The following OPA1 variants were observed in gnomAD, a reference collection of about 807,000 sequenced individuals.
OPA1 encodes the protein dynamin-like GTPase OPA1, mitochondrial.
In OPA1, 59 loss-of-function variants were observed where a neutral mutation model predicts 152.9. The observed-to-expected ratio is 0.39, with a 90% CI of 0.31 to 0.48. OPA1 has a LOEUF of 0.48. Among genes scored for constraint, OPA1 ranks in the 20% least tolerant of loss-of-function variants. The probability of loss-of-function intolerance (pLI) is 0.96; values close to 1 mark genes in which losing one functional copy is unlikely to be tolerated. For missense variants in OPA1, 1,008 were observed against 1,216.8 expected (o/e 0.83, Z 2.55); for synonymous variants, 400 against 389.9 (o/e 1.03, Z -0.31).
intron 2 of OPA1, among the ~76,000 whole-genome samples, chr3:193,615,403 T>G (rs1237328374): frequency 6.6e-6 from 1 of 152,230 alleles, no homozygotes; most frequent in Non-Finnish European, 1.5e-5. Context: ...CAGTCTGTCT[T>G]CCTTCTACCC....
At chr3:193,676,261 GAATA>G (rs1437375716) in intron 29 of OPA1, among the ~76,000 whole-genome samples, 2 of 151,960 alleles carry the variant, frequency 1.3e-5, no homozygotes, top group Non-Finnish European at 2.9e-5. Context: ...CTTCACTACA[GAATA>G]AATAATGTAT....
chr3:193,640,285 A>G (rs898300799), intron 11 of OPA1, among the ~76,000 whole-genome samples: 2 of 152,238 alleles, frequency 1.3e-5, no homozygotes, highest in Non-Finnish European at 2.9e-5. Context: ...TTGAGGGAAG[A>G]GAAAATAACA....
chr3:193,676,839 G>C (rs1353805249), intron 29 of OPA1, among the ~76,000 whole-genome samples: 1 of 152,074 alleles, frequency 6.6e-6, no homozygotes. Context: ...AATTTAGCCA[G>C]GCGTGGTGGC....
rs570743875 is a variant in OPA1 at position 193,614,590 on chromosome 3, T to C, written c.33-133T>C. 10 of 747,074 alleles carry C rather than the reference T, an allele frequency of 1.3e-5. No individual in the cohort carries two copies. The Admixed American group carries it at 1.7e-4, about 13-fold the overall frequency. The allele number at this position is 747,074 out of a possible 1,614,324, so 46.3% of individuals were successfully genotyped here. The stretch of plus-strand genomic sequence containing the variant: ...TGGCACATAGTCAATGGTTAGTAAA[T>C]GTGAACTATTGTGTGACATTGTGGT... On this transcript the variant is annotated intron_variant, in intron 1 of 30. Transcript: ENST00000361510.
rs1171011913 is a variant in OPA1 at position 193,697,317 on chromosome 3, T to C, written c.*2717T>C. 1 of 152,232 alleles carries C rather than the reference T, an allele frequency of 6.6e-6. No homozygotes were observed. Among genetic ancestry groups the C allele is most frequent in the African/African-American group, 2.4e-5 (1 of 41,458 alleles). 9.4% of individuals were successfully genotyped at this position (152,232 alleles called of 1,614,324 possible). On this transcript the variant is annotated 3_prime_UTR_variant, in exon 31 of 31. Coordinates refer to ENST00000361510, the MANE Select transcript of OPA1 (RefSeq NM_130837.3). ...GCTCTAGCAGTATGGAAATGTGCTT[T>C]AAAATATGCTTACCTTTTGAATGAT...
In OPA1 at chr3:193,644,022, C is replaced by A; in HGVS notation, c.1525C>A (p.Gln509Lys). 6.2e-7 allele frequency: 1 copy of A among 1,613,678 alleles called. No homozygotes were observed. Among genetic ancestry groups the A allele is most frequent in the South Asian group, 1.1e-5 (1 of 91,052 alleles). ...CAGTATTGTTACAGACTTGGTCAGT[C>A]AAATGGACCCTCATGGAAGGAGAAC... ...ERSIVTDLVS[Q>K]MDPHGRRTIF... The change falls in exon 16 of 31, where the codon CAA becomes AAA. Residue 509 changes from glutamine (Q) to lysine (K), a missense_variant. By Grantham distance (53) the Gln-to-Lys change is moderately conservative (BLOSUM62 1). Coordinates refer to ENST00000361510, the MANE Select transcript of OPA1 (RefSeq NM_130837.3).
At chr3:193,634,829 G>C (rs532573800) in intron 8 of OPA1, among the ~76,000 whole-genome samples, 8 of 152,254 alleles carry the variant, frequency 5.3e-5, no homozygotes, top group Non-Finnish European at 1.2e-4. Flanking sequence ...AAGTGACCTT[G>C]GTCAGGCTCT....
At chr3:193,643,705 T>C in intron 15 of OPA1, 78 bp downstream of exon 15, 1 of 1,278,178 alleles carries the variant, frequency 7.8e-7, no homozygotes, top group Non-Finnish European at 1.1e-6. Flanking sequence ...AAATAGTTTG[T>C]GTTATGTAAA....
chr3:193,643,763 A>G, intron 15 of OPA1, 136 bp downstream of exon 15: 2 of 921,558 alleles, frequency 2.2e-6, no homozygotes, highest in South Asian at 1.6e-5. Context: ...TCATTTTATT[A>G]GTAAATTAAA....
intron 29 of OPA1, among the ~76,000 whole-genome samples, chr3:193,688,717 C>T (rs1034065262): frequency 2.0e-5 from 3 of 151,952 alleles, no homozygotes; most frequent in Admixed American, 1.3e-4. Flanking sequence ...TAGTAGCTCA[C>T]GCCCTGTAAT....
intron 22 of OPA1, among the ~76,000 whole-genome samples, 186 bp from the exon 23 acceptor site, chr3:193,656,894 A>C (rs1396749352): frequency 6.6e-6 from 1 of 152,210 alleles, no homozygotes. Context: ...ATCTGTCCCC[A>C]GCAACCCGTG....
intron 29 of OPA1, among the ~76,000 whole-genome samples, chr3:193,684,038 A>G (rs944980264): frequency 5.9e-5 from 9 of 152,198 alleles, no homozygotes; most frequent in African/African-American, 2.2e-4. Context: ...CATGGTGGCC[A>G]TCAGACAACA....
intron 8 of OPA1, among the ~76,000 whole-genome samples, chr3:193,633,708 T>C (rs1732470904): frequency 6.6e-6 from 1 of 152,224 alleles, no homozygotes; most frequent in African/African-American, 2.4e-5. Flanking sequence ...GATAGTATCA[T>C]TTCAACATGT....
At chr3:193,686,795 T>C (rs1720993865) in intron 29 of OPA1, among the ~76,000 whole-genome samples, 1 of 152,154 alleles carries the variant, frequency 6.6e-6, no homozygotes, top group Admixed American at 6.5e-5. Flanking sequence ...ACTTAGAGGG[T>C]GTCTTAAAGC....
Position 193,658,910 on chromosome 3 carries a change from G to A in OPA1, c.2355G>A (p.Leu785=), listed in dbSNP as rs2109186550. The A allele has an allele frequency of 6.2e-7, 1 of 1,613,614 alleles. No homozygotes were observed. Among genetic ancestry groups the A allele is most frequent in the Admixed American group, 1.7e-5 (1 of 60,016 alleles). Residue 785 remains leucine (L), a synonymous_variant, in exon 24 of 31, where the codon TTG becomes TTA. Transcript: ENST00000361510. ...AGAGGGTTATTCAACACAATGCTTT[G>A]GAAGACCGATCCATATCTGATAAAC... ...DSLRVIQHNA[L]EDRSISDKQQ... is the part of the protein sequence containing the mutation.
At chr3:193,599,803 G>A (rs561371016) in intron 1 of OPA1, among the ~76,000 whole-genome samples, 3 of 152,304 alleles carry the variant, frequency 2.0e-5, no homozygotes, top group African/African-American at 7.2e-5. Flanking sequence ...CACAAATTGG[G>A]CAGTCTCCAG....
Position 193,651,088 on chromosome 3 carries a change from A to G in OPA1, c.2012+2217A>G, listed in dbSNP as rs1426911632. On this transcript the variant is annotated intron_variant, in intron 21 of 30. Transcript: ENST00000361510. ...TGTGGCTTTAACATAAATGGGGGCA[A>G]GAGGCAGGAGATAAAACAGTAGATG... 3.3e-5 allele frequency among the ~76,000 whole-genome samples: 5 copies of G among 152,300 alleles called. No individual in the cohort carries two copies. The East Asian group carries it at 9.6e-4, about 29-fold the overall frequency.
At chr3:193,643,074 G>T in intron 13 of OPA1, 25 bp downstream of exon 13, 1 of 1,549,060 alleles carries the variant, frequency 6.5e-7, no homozygotes, top group South Asian at 1.1e-5. Flanking sequence ...TCATTTCAGT[G>T]ACGTTTTATG....
Position 193,659,797 on chromosome 3 carries a change from G to T in OPA1, c.2520+236G>T, listed in dbSNP as rs1714787845. 1.3e-5 allele frequency among the ~76,000 whole-genome samples: 2 copies of T among 152,090 alleles called. 1 individual carries two copies. The highest frequency in any genetic ancestry group is 4.2e-4 in the South Asian group (2 of 4,812). On this transcript the variant is annotated intron_variant, in intron 25 of 30. Transcript: ENST00000361510. ...ACAAGAGATGAAACATGCCCCTTTTGTGGTTGATTACATTGTTCATTTCAA... is the reference window on the plus strand; with the variant it reads ...ACAAGAGATGAAACATGCCCCTTTTTTGGTTGATTACATTGTTCATTTCAA...
Sources: gnomAD v4.1 joint callset for allele counts (sites outside exome capture counted in the v4.1 genomes callset) on GRCh38, gnomAD v4.1.1 for gene constraint, MANE v1.5 for transcripts, NCBI Gene and HGNC (gene_info 2026-07-23, HGNC 2026-07-21) for gene names.